Variants in SVEP1 observed in about 807,000 individuals in gnomAD.
SVEP1 encodes sushi, von Willebrand factor type A, EGF and pentraxin domain containing 1.
A neutral mutation model predicts 367.3 loss-of-function variants in SVEP1; 164 were observed. The observed-to-expected ratio is 0.45, with a 90% CI of 0.39 to 0.51. The LOEUF is 0.51. Among genes scored for constraint, SVEP1 ranks in the 20% least tolerant of loss-of-function variants. SVEP1 has a pLI of 0.00. For missense variants in SVEP1, 4,117 were observed against 4,425.3 expected, an observed-to-expected ratio of 0.93 and a Z score of 1.98; for synonymous variants, 1,666 against 1,611.6, an observed-to-expected ratio of 1.03 and a Z score of -0.81.
At chr9:110,457,465 G>A in intron 20 of SVEP1, 113 bp from the exon 21 acceptor site, 1 of 804,138 alleles carries the variant, frequency 1.2e-6, no homozygotes, top group Non-Finnish European at 2.0e-6. Context: ...CTGTTTCCAG[G>A]TAAGTTCACT....
chr9:110,485,364 T>C (rs1428704376), intron 9 of SVEP1, among the ~76,000 whole-genome samples: 1 of 152,134 alleles, frequency 6.6e-6, no homozygotes, highest in Non-Finnish European at 1.5e-5. Flanking sequence ...TTCTCACTTA[T>C]AAGTGGGAGT....
intron 36 of SVEP1, among the ~76,000 whole-genome samples, chr9:110,423,168 T>TAAAAAAAAAAAAAAAG (rs1828197035): frequency 9.6e-6 from 1 of 103,650 alleles, no homozygotes. Flanking sequence ...AAAAATAAAG[T>TAAAAAAAAAAAAAAAG]AAAAAAAAAA....
At chr9:110,508,256 G>A (rs747329846) in intron 5 of SVEP1, among the ~76,000 whole-genome samples, 10 of 151,946 alleles carry the variant, frequency 6.6e-5, no homozygotes, top group Non-Finnish European at 1.2e-4. Context: ...GACAATATAA[G>A]AAGCTACTCT....
At chr9:110,382,712 G>C (rs200250578) in intron 43 of SVEP1, among the ~76,000 whole-genome samples, 1 of 152,148 alleles carries the variant, frequency 6.6e-6, no homozygotes, top group Non-Finnish European at 1.5e-5. Context: ...ATCAATCATA[G>C]GTTCGGTCTT....
At chr9:110,537,537 G>A (rs1758665359) in intron 3 of SVEP1, among the ~76,000 whole-genome samples, 1 of 151,800 alleles carries the variant, frequency 6.6e-6, no homozygotes, top group African/African-American at 2.4e-5. Context: ...ACAATTCTGT[G>A]ATCAACAGAA....
At chr9:110,390,348 C>CTTACATAAGTATATATAT (rs1484401976) in intron 40 of SVEP1, among the ~76,000 whole-genome samples, 1 of 33,194 alleles carries the variant, frequency 3.0e-5, no homozygotes, top group Non-Finnish European at 5.0e-5. Flanking sequence ...TACTTATATA[C>CTTACATAAGTATATATAT]ACTTATATAT....
chr9:110,493,200 C>G (rs532188932), intron 8 of SVEP1, among the ~76,000 whole-genome samples: 23 of 151,844 alleles, frequency 1.5e-4, no homozygotes, highest in Admixed American at 4.6e-4. Context: ...TGGCAGGGAA[C>G]TGTAAGGGGT....
At chr9:110,486,000 A>G (rs1829271430) in intron 9 of SVEP1, among the ~76,000 whole-genome samples, 1 of 152,170 alleles carries the variant, frequency 6.6e-6, no homozygotes, top group Non-Finnish European at 1.5e-5. Context: ...GATGCAGTTT[A>G]TTATTTCACT....
At chr9:110,427,302 CAAAA>C (rs61616981) in intron 36 of SVEP1, among the ~76,000 whole-genome samples, 3,299 of 81,976 alleles carry the variant, frequency 0.04, 159 homozygotes, top group African/African-American at 0.15. Context: ...GACTCTGTCT[CAAAA>C]AAAAAAAAAA....
intron 6 of SVEP1, among the ~76,000 whole-genome samples, chr9:110,502,237 G>C (rs1353752225): frequency 6.6e-6 from 1 of 151,472 alleles, no homozygotes; most frequent in Non-Finnish European, 1.5e-5. Context: ...TGAGTAGCTG[G>C]GATTACAGGC....
chr9:110,375,294 G>A, intron 46 of SVEP1, 74 bp downstream of exon 46: 4 of 1,324,726 alleles, frequency 3.0e-6, no homozygotes, highest in Non-Finnish European at 4.2e-6. Flanking sequence ...CTGAGTCTAA[G>A]TCACACTCTT....
intron 36 of SVEP1, among the ~76,000 whole-genome samples, chr9:110,424,189 A>T (rs1013378992): frequency 3.9e-5 from 6 of 152,248 alleles, no homozygotes; most frequent in African/African-American, 1.4e-4. Context: ...GCCAGGAAAC[A>T]TGCAAGAATA....
Position 110,408,579 on chromosome 9 carries a change from C to T in SVEP1, c.7021G>A (p.Glu2341Lys). The T allele has an allele frequency of 6.8e-6, 11 of 1,613,960 alleles. No homozygotes were observed. The highest frequency in any genetic ancestry group is 9.3e-6 in the Non-Finnish European group (11 of 1,179,888). Residue 2341 changes from glutamate (E) to lysine (K), a missense_variant, in exon 38 of 48, where the codon GAG (glutamate) becomes AAG (lysine). Around this residue, in one of 4 missense-constraint regions of SVEP1, gnomAD observed 1,765 missense variants for 1,781.1 expected, o/e 0.99. Coordinates refer to ENST00000374469, the MANE Select transcript of SVEP1 (RefSeq NM_153366.4). ...CAGGAAAATGTCACAACTCCTACCTCGGTGGTCAACTCCTTTAATACTAGC... is the reference window on the plus strand; with the variant it reads ...CAGGAAAATGTCACAACTCCTACCTTGGTGGTCAACTCCTTTAATACTAGC... ...NQLVLKELTT[E>K]VGVVTFSCKE...
chr9:110,518,836 C>T (rs561087839), intron 3 of SVEP1, among the ~76,000 whole-genome samples: 1 of 152,146 alleles, frequency 6.6e-6, no homozygotes, highest in Admixed American at 6.5e-5. Context: ...CCCTTCAATC[C>T]ATTTGTGATG....
intron 28 of SVEP1, among the ~76,000 whole-genome samples, chr9:110,435,736 C>G (rs145176862): frequency 1.3e-5 from 2 of 152,222 alleles, no homozygotes. Context: ...TTCTTAGAGG[C>G]TCAGCCTCTG....
intron 46 of SVEP1, among the ~76,000 whole-genome samples, chr9:110,370,905 C>CTT (rs1827265535): frequency 1.3e-5 from 2 of 152,186 alleles, no homozygotes; most frequent in Admixed American, 1.3e-4. Context: ...GGATGAAAAA[C>CTT]TTATAATTCA....
chr9:110,456,859 A>G (rs1828783811), intron 21 of SVEP1, among the ~76,000 whole-genome samples: 1 of 152,186 alleles, frequency 6.6e-6, no homozygotes, highest in Non-Finnish European at 1.5e-5. Flanking sequence ...ATTCATAAGA[A>G]CTTCTATTAG....
At chr9:110,564,589 A>T (rs1225543241) in intron 1 of SVEP1, among the ~76,000 whole-genome samples, 4 of 152,182 alleles carry the variant, frequency 2.6e-5, no homozygotes, top group Non-Finnish European at 4.4e-5. Flanking sequence ...TTAAATTCAT[A>T]AAAAAACACA....
intron 16 of SVEP1, among the ~76,000 whole-genome samples, chr9:110,470,794 T>A (rs964312665): frequency 6.7e-6 from 1 of 149,944 alleles, no homozygotes; most frequent in Non-Finnish European, 1.5e-5. Context: ...ATATATTTAT[T>A]ATACTTTAAG....
Sources: allele counts gnomAD v4.1 joint callset (sites outside exome capture counted in the v4.1 genomes callset), GRCh38; gene constraint gnomAD v4.1.1; regional missense constraint gnomAD v4.1.1; transcripts MANE v1.5; gene names NCBI Gene and HGNC (gene_info 2026-07-23, HGNC 2026-07-21).